TNIK: variants seen among roughly 807,000 people sequenced by gnomAD.
The protein encoded by TNIK is TRAF2 and NCK interacting kinase.
Under a neutral mutation model 191.3 loss-of-function variants are expected in TNIK, and 49 were observed. The observed-to-expected ratio is 0.26, with a 90% CI of 0.20 to 0.32. The LOEUF is 0.32. TNIK is among the 10% of genes least tolerant of loss of function. The pLI is 1.00. For missense variants in TNIK, 1,155 were observed against 1,702.3 expected (o/e 0.68, Z 5.66); for synonymous variants, 594 against 600.9 (o/e 0.99, Z 0.17).
chr3:171,255,828 G>C (rs1464516969), intron 2 of TNIK, among the ~76,000 whole-genome samples: 1 of 152,142 alleles, frequency 6.6e-6, no homozygotes, highest in East Asian at 1.9e-4. Context: ...ACATTGAAGA[G>C]CCGTAAATGC....
chr3:171,059,736 A>T lies in TNIK; in HGVS notation c.*4145T>A, dbSNP rs1028317936. Among the ~76,000 whole-genome samples the T allele has an allele frequency of 3.3e-5, 5 of 152,256 alleles. No homozygotes were observed. The highest frequency in any genetic ancestry group is 3.4e-3 in the Middle Eastern group (1 of 294). On this transcript the variant is annotated 3_prime_UTR_variant, in exon 33 of 33. Transcript: ENST00000436636. Reference sequence around the variant, plus strand: ...AGCAGGTAAATTAAATCAAATTTAGACTTTTGGATTTTAGATTTATGTTAC... The same window carrying T: ...AGCAGGTAAATTAAATCAAATTTAGTCTTTTGGATTTTAGATTTATGTTAC...
chr3:171,118,820 T>G (rs1441778035), intron 18 of TNIK, among the ~76,000 whole-genome samples: 6 of 152,146 alleles, frequency 3.9e-5, no homozygotes, highest in African/African-American at 1.2e-4. Context: ...ATGTTAGACC[T>G]AAAACCATAA....
intron 1 of TNIK, among the ~76,000 whole-genome samples, chr3:171,445,711 GT>G (rs1370502228): frequency 6.6e-6 from 1 of 152,180 alleles, no homozygotes; most frequent in Admixed American, 6.5e-5. Context: ...ACAGCAAGAA[GT>G]AGTTAATACA....
intron 1 of TNIK, among the ~76,000 whole-genome samples, chr3:171,440,031 A>G (rs745855035): frequency 2.0e-5 from 3 of 152,180 alleles, no homozygotes; most frequent in Non-Finnish European, 2.9e-5. Flanking sequence ...TGTACATAAT[A>G]TGACAGTGTC....
Position 171,199,206 on chromosome 3 carries a change from A to T in TNIK, c.307-4571T>A, listed in dbSNP as rs1003044900. Reference sequence around the variant, plus strand: ...ATTGTTAAATTATATAATGGGATTTAAAAAAAAAAAAGAAAAAAAACAGCA... The same window carrying T: ...ATTGTTAAATTATATAATGGGATTTTAAAAAAAAAAAGAAAAAAAACAGCA... On this transcript the variant is annotated intron_variant, in intron 4 of 32. Coordinates refer to ENST00000436636, the MANE Select transcript of TNIK (RefSeq NM_015028.4). 9.9e-4 allele frequency among the ~76,000 whole-genome samples: 139 copies of T among 140,372 alleles called. 1 individual carries two copies. The highest frequency in any genetic ancestry group is 1.7e-3 in the Non-Finnish European group (107 of 62,954). The allele number at this position is 140,372 out of a possible 152,430, so 92.1% of individuals were successfully genotyped here.
chr3:171,215,820 A>G (rs1161154282), intron 3 of TNIK, among the ~76,000 whole-genome samples: 1 of 152,236 alleles, frequency 6.6e-6, no homozygotes, highest in Non-Finnish European at 1.5e-5. Flanking sequence ...AAAACATTTA[A>G]TATTAGTTAT....
chr3:171,147,029 G>T (rs114503545), intron 12 of TNIK, among the ~76,000 whole-genome samples: 2,093 of 152,224 alleles, frequency 0.014, 33 homozygotes, highest in African/African-American at 0.047. Flanking sequence ...TCTGAGCAAG[G>T]TTATGCTACA....
chr3:171,100,272 A>C (rs1171171963), intron 22 of TNIK, among the ~76,000 whole-genome samples: 2 of 152,160 alleles, frequency 1.3e-5, no homozygotes, highest in African/African-American at 4.8e-5. Flanking sequence ...ATTTAATGCA[A>C]TTTGTTTCAA....
intron 1 of TNIK, among the ~76,000 whole-genome samples, chr3:171,424,292 G>C (rs1372603842): frequency 3.9e-5 from 6 of 152,228 alleles, no homozygotes; most frequent in Non-Finnish European, 8.8e-5. Flanking sequence ...GATACCATCT[G>C]ACACCAGTTA....
Position 171,101,764 on chromosome 3 carries a change from T to C in TNIK, c.2407-131A>G, listed in dbSNP as rs1723608797. On this transcript the variant is annotated intron_variant, in intron 21 of 32. Coordinates refer to ENST00000436636, the MANE Select transcript of TNIK (RefSeq NM_015028.4). ...TATATAGAACTGTGACAAACATAGT[T>C]ACTGCATGGAACTAAGAAAATGATG... 3 of 805,092 alleles carry C rather than the reference T, an allele frequency of 3.7e-6. No homozygotes were observed. In the East Asian group the frequency reaches 8.1e-5, roughly 22 times the overall value. The allele number at this position is 805,092 out of a possible 1,614,324, so 49.9% of individuals were successfully genotyped here.
chr3:171,281,225 T>C (rs1750393525), intron 2 of TNIK, among the ~76,000 whole-genome samples: 1 of 152,014 alleles, frequency 6.6e-6, no homozygotes, highest in African/African-American at 2.4e-5. Flanking sequence ...AGCATTGTAA[T>C]AGAAGAGAAG....
At chr3:171,394,168 T>C (rs1010637320) in intron 1 of TNIK, among the ~76,000 whole-genome samples, 2 of 152,202 alleles carry the variant, frequency 1.3e-5, no homozygotes, top group Admixed American at 1.3e-4. Flanking sequence ...CTTCCCCCTG[T>C]TTGAACCAGC....
intron 2 of TNIK, among the ~76,000 whole-genome samples, chr3:171,337,814 G>A (rs1757107627): frequency 6.6e-6 from 1 of 152,158 alleles, no homozygotes; most frequent in Non-Finnish European, 1.5e-5. Flanking sequence ...TTTTCAGGAG[G>A]CAGAAAAGAT....
At chr3:171,425,574 C>T (rs1466325870) in intron 1 of TNIK, among the ~76,000 whole-genome samples, 1 of 152,008 alleles carries the variant, frequency 6.6e-6, no homozygotes, top group African/African-American at 2.4e-5. Context: ...GCCTGTAATC[C>T]CAGCACTTTG....
intron 22 of TNIK, among the ~76,000 whole-genome samples, chr3:171,096,223 T>C (rs1180851766): frequency 2.6e-5 from 4 of 152,124 alleles, no homozygotes; most frequent in Non-Finnish European, 5.9e-5. Flanking sequence ...AGTTCTCCTG[T>C]CCTAGTCAGA....
At chr3:171,085,855 T>C (rs1210809551) in intron 24 of TNIK, among the ~76,000 whole-genome samples, 1 of 152,226 alleles carries the variant, frequency 6.6e-6, no homozygotes, top group Non-Finnish European at 1.5e-5. Flanking sequence ...TTTAGGGACT[T>C]CATGAGGATA....
chr3:171,131,213 C>CAGT (rs1553825676), intron 15 of TNIK, among the ~76,000 whole-genome samples: 1 of 150,842 alleles, frequency 6.6e-6, no homozygotes, highest in East Asian at 1.9e-4. Context: ...TAGCGGGCGC[C>CAGT]GGTAGTCCCA....
intron 2 of TNIK, among the ~76,000 whole-genome samples, chr3:171,235,682 C>A (rs1293388367): frequency 6.6e-6 from 1 of 151,748 alleles, no homozygotes; most frequent in East Asian, 1.9e-4. Flanking sequence ...TGTTAAAATG[C>A]CCATTAATGA....
chr3:171,161,354 C>T lies in TNIK; in HGVS notation c.950-18G>A, dbSNP rs764714066. 2 of 1,607,980 alleles carry T rather than the reference C, an allele frequency of 1.2e-6. No individual in the cohort carries two copies. Among genetic ancestry groups the T allele is most frequent in the Admixed American group, 1.7e-5 (1 of 59,398 alleles). ...TGTCTCATCTGAAGAAAGATCCCAG[C>T]ATGTTAGTGCACAAAAAGATGCTAT... On this transcript the variant is annotated intron_variant, in intron 10 of 32. Transcript: ENST00000436636.
Sources: gnomAD v4.1 joint callset for allele counts (sites outside exome capture counted in the v4.1 genomes callset) on GRCh38, gnomAD v4.1.1 for gene constraint, MANE v1.5 for transcripts, NCBI Gene and HGNC (gene_info 2026-07-23, HGNC 2026-07-21) for gene names.